LYPD6B: variants seen among roughly 807,000 people sequenced by gnomAD.
LYPD6B encodes LY6/PLAUR domain containing 6B.
Under a neutral mutation model 22.8 loss-of-function variants are expected in LYPD6B, and 17 were observed. The observed-to-expected ratio is 0.75, with a 90% CI of 0.51 to 1.12. The LOEUF is 1.12. Among genes scored for constraint, LYPD6B ranks in the 50% most tolerant of loss-of-function variants. LYPD6B has a pLI of 0.00. For missense variants in LYPD6B, 221 were observed against 258.3 expected (o/e 0.86, Z 0.99); for synonymous variants, 106 against 91.6 (o/e 1.16, Z -0.90).
At position 149,161,001 on chromosome 2, in the gene LYPD6B, C is replaced by T. The variant is rs74624741; in HGVS notation, c.77+166C>T. Among the ~76,000 whole-genome samples, 547 of 152,268 alleles carry T rather than the reference C, an allele frequency of 3.6e-3. 1 individual carries two copies. The highest frequency in any genetic ancestry group is 6.1e-3 in the Admixed American group (94 of 15,288). Reference sequence around the variant, plus strand: ...GCCCTCACTGCTCACTGTGATCCTGCGGTTTGGAAGCCTGGCTTGTGCTTA... The same window carrying T: ...GCCCTCACTGCTCACTGTGATCCTGTGGTTTGGAAGCCTGGCTTGTGCTTA... On this transcript the variant is annotated intron_variant, in intron 3 of 6. Coordinates refer to ENST00000409642, the MANE Select transcript of LYPD6B (RefSeq NM_177964.5).
At chr2:149,211,701 C>G (rs892867088) in intron 5 of LYPD6B, among the ~76,000 whole-genome samples, 2 of 151,892 alleles carry the variant, frequency 1.3e-5, no homozygotes, top group Non-Finnish European at 2.9e-5. Context: ...AAAGGCAGTT[C>G]CATAAGCCCA....
intron 1 of LYPD6B, among the ~76,000 whole-genome samples, chr2:149,124,570 C>T (rs1687579044): frequency 6.6e-6 from 1 of 152,160 alleles, no homozygotes; most frequent in Non-Finnish European, 1.5e-5. Context: ...TCACTTCTAA[C>T]AGTCCTGAAG....
chr2:149,049,168 G>C (rs1683437515), intron 1 of LYPD6B, among the ~76,000 whole-genome samples: 1 of 152,210 alleles, frequency 6.6e-6, no homozygotes, highest in Admixed American at 6.5e-5. Context: ...CACAGTGCCT[G>C]TGATCTAAAC....
At chr2:149,126,559 T>A (rs1036109069) in intron 1 of LYPD6B, among the ~76,000 whole-genome samples, 1 of 152,222 alleles carries the variant, frequency 6.6e-6, no homozygotes, top group Non-Finnish European at 1.5e-5. Context: ...CATCTTTACA[T>A]TGAGTCAGCT....
intron 1 of LYPD6B, among the ~76,000 whole-genome samples, chr2:149,054,986 A>G (rs1683724936): frequency 6.6e-6 from 1 of 152,132 alleles, no homozygotes; most frequent in Admixed American, 6.6e-5. Flanking sequence ...GCTTAATCCA[A>G]GGTCACATAG....
Position 149,092,816 on chromosome 2 carries a change from T to G in LYPD6B, c.-66-38067T>G, listed in dbSNP as rs137951675. Among the ~76,000 whole-genome samples the G allele has an allele frequency of 7.7e-4, 118 of 152,298 alleles. 3 individuals are homozygous for G. The East Asian group carries it at 0.021, about 27-fold the overall frequency. ...GTGGACCAGTAAGATAACAGTAACC[T>G]GGGTTCCTCCTGAGTTTGTGAAGCC... On this transcript the variant is annotated intron_variant, in intron 1 of 6. Transcript: ENST00000409642.
intron 1 of LYPD6B, among the ~76,000 whole-genome samples, chr2:149,113,399 G>C (rs1295826773): frequency 6.6e-6 from 1 of 152,226 alleles, no homozygotes; most frequent in Non-Finnish European, 1.5e-5. Context: ...GGAAAAGGAT[G>C]GAAGGATATC....
chr2:149,205,190 C>A, intron 3 of LYPD6B, 63 bp from the exon 4 acceptor site: 1 of 1,529,864 alleles, frequency 6.5e-7, no homozygotes, highest in Non-Finnish European at 8.8e-7. Context: ...CAAACAGAAG[C>A]AAAACACAAA....
intron 1 of LYPD6B, among the ~76,000 whole-genome samples, chr2:149,063,349 A>C (rs1396001312): frequency 2.0e-5 from 3 of 152,200 alleles, no homozygotes; most frequent in Non-Finnish European, 4.4e-5. Context: ...GAATTCAAGC[A>C]GTAGTTGATG....
At position 149,205,240 on chromosome 2, in the gene LYPD6B, C is replaced by A. The variant is rs1226774791; in HGVS notation, c.78-13C>A. ...ATATAAAGAAACTGAACCAGTGTGT[C>A]TTTTCACCATAGATATAAGAGTTCG... On this transcript the variant is annotated splice_polypyrimidine_tract_variant and intron_variant, in intron 3 of 6. Transcript: ENST00000409642. The A allele has an allele frequency of 6.3e-7, 1 of 1,596,454 alleles. No individual in the cohort carries two copies.
chr2:149,039,303 C>G, intron 1 of LYPD6B, among the ~76,000 whole-genome samples: 1 of 152,220 alleles, frequency 6.6e-6, no homozygotes, highest in African/African-American at 2.4e-5. Flanking sequence ...CGGCTCTTTA[C>G]TTTTGTTGTT....
At chr2:149,102,248 A>G (rs1686248849) in intron 1 of LYPD6B, among the ~76,000 whole-genome samples, 1 of 152,224 alleles carries the variant, frequency 6.6e-6, no homozygotes, top group African/African-American at 2.4e-5. Flanking sequence ...GGCCACCTTC[A>G]TTGTTTTAAT....
At chr2:149,063,662 CA>C (rs1368979816) in intron 1 of LYPD6B, among the ~76,000 whole-genome samples, 2 of 152,170 alleles carry the variant, frequency 1.3e-5, no homozygotes, top group African/African-American at 4.8e-5. Flanking sequence ...TTATTTAACA[CA>C]GGGGTTGAAC....
chr2:149,196,912 C>T (rs12612313), intron 3 of LYPD6B, among the ~76,000 whole-genome samples: 32,950 of 152,138 alleles, frequency 0.22, 4,586 homozygotes, highest in East Asian at 0.44. Context: ...CTGAATGCCA[C>T]GTATTAGAGT....
intron 1 of LYPD6B, among the ~76,000 whole-genome samples, chr2:149,073,392 G>T (rs752865287): frequency 1.3e-5 from 2 of 152,152 alleles, no homozygotes; most frequent in Non-Finnish European, 2.9e-5. Flanking sequence ...CACCCTCATG[G>T]TGTTTTCTTG....
Position 149,058,173 on chromosome 2 carries a change from G to T in LYPD6B, c.-67+19372G>T, listed in dbSNP as rs1683897308. Among the ~76,000 whole-genome samples the T allele has an allele frequency of 2.0e-5, 3 of 152,152 alleles. 1 individual carries two copies. In the South Asian group the frequency reaches 6.2e-4, roughly 32 times the overall value. ...TAGTTTTCATATCTGCAAAATGCAG[G>T]TTTGGACTAAATGCGTGATTTTCCA... On this transcript the variant is annotated intron_variant, in intron 1 of 6. Transcript: ENST00000409642.
chr2:149,177,692 C>T (rs1002600470), intron 3 of LYPD6B, among the ~76,000 whole-genome samples: 2 of 152,156 alleles, frequency 1.3e-5, no homozygotes, highest in Non-Finnish European at 1.5e-5. Flanking sequence ...ATTATCCCTT[C>T]CATGCAATGA....
At chr2:149,173,848 G>C (rs930119905) in intron 3 of LYPD6B, among the ~76,000 whole-genome samples, 5 of 152,030 alleles carry the variant, frequency 3.3e-5, no homozygotes, top group African/African-American at 7.2e-5. Context: ...GTTTATTTGT[G>C]AATGTTCAGT....
intron 2 of LYPD6B, among the ~76,000 whole-genome samples, chr2:149,146,425 G>T (rs1007193953): frequency 5.3e-5 from 8 of 152,138 alleles, no homozygotes; most frequent in Admixed American, 1.3e-4. Context: ...TGGCAAATAC[G>T]AACCTCAGAA....
Sources: gnomAD v4.1 joint callset for allele counts (sites outside exome capture counted in the v4.1 genomes callset) on GRCh38, gnomAD v4.1.1 for gene constraint, MANE v1.5 for transcripts, NCBI Gene and HGNC (gene_info 2026-07-23, HGNC 2026-07-21) for gene names.